Variants in DMD observed in about 807,000 individuals in gnomAD.
DMD encodes the protein mutant dystrophin.
DMD carries 63 observed loss-of-function variants against 330.1 expected under a neutral mutation model. That is an observed-to-expected ratio of 0.19 (90% CI 0.16 to 0.24). The LOEUF (loss-of-function observed/expected upper bound fraction) is 0.24, where lower values mean the gene tolerates loss of function less well. DMD is among the 10% of genes least tolerant of loss of function. The pLI is 1.00. For synonymous variants in DMD, 1,223 were observed against 959.8 expected (o/e 1.27, Z -5.07); for missense variants, 3,344 against 2,684.1 (o/e 1.25, Z -5.43).
At chrX:31,951,144 T>C (rs1165153346) in intron 45 of DMD, among the ~76,000 whole-genome samples, 21 of 59,636 alleles carry the variant, frequency 3.5e-4, no homozygotes, top group African/African-American at 6.5e-4. Context: ...TATATATGTG[T>C]ATATATATAT....
At chrX:31,749,231 A>ATT (rs2088177304) in intron 51 of DMD, among the ~76,000 whole-genome samples, 1 of 106,637 alleles carries the variant, frequency 9.4e-6, no homozygotes, top group Admixed American at 1.0e-4. Context: ...CCATGCTGGC[A>ATT]CGCTGCACCC....
chrX:32,466,163 C>G (rs1569563879), intron 23 of DMD, among the ~76,000 whole-genome samples: 1 of 111,372 alleles, frequency 9.0e-6, no homozygotes. Flanking sequence ...AGGACATTCA[C>G]TGTCTACTCT....
chrX:32,888,151 A>AT (rs1295243529), intron 2 of DMD, among the ~76,000 whole-genome samples: 1 of 109,482 alleles, frequency 9.1e-6, no homozygotes, highest in Non-Finnish European at 1.9e-5. Context: ...TTTATTTTTT[A>AT]TTTTTTTTAA....
chrX:33,062,723 C>T (rs755977427), intron 1 of DMD, among the ~76,000 whole-genome samples: 24 of 111,752 alleles, frequency 2.1e-4, no homozygotes, highest in African/African-American at 7.1e-4. Context: ...GTGATCCACC[C>T]GCCTCGGCCT....
chrX:32,311,766 A>C (rs1189171295), intron 41 of DMD, among the ~76,000 whole-genome samples: 1 of 111,947 alleles, frequency 8.9e-6, no homozygotes, highest in African/African-American at 3.2e-5. Context: ...ATTTCATCAT[A>C]AGCATTTTAC....
intron 42 of DMD, among the ~76,000 whole-genome samples, chrX:32,289,095 T>C (rs2097455698): frequency 8.9e-6 from 1 of 111,878 alleles, no homozygotes; most frequent in African/African-American, 3.2e-5. Flanking sequence ...TGTTTTACTG[T>C]TGTGGAATAT....
chrX:31,486,245 G>A (rs1219432377), intron 57 of DMD, among the ~76,000 whole-genome samples: 2 of 112,586 alleles, frequency 1.8e-5, no homozygotes, highest in Non-Finnish European at 1.9e-5. Flanking sequence ...TAAATGCTCA[G>A]TAAACATTGT....
intron 2 of DMD, among the ~76,000 whole-genome samples, chrX:32,974,501 T>C (rs952999720): frequency 7.1e-5 from 8 of 111,959 alleles, no homozygotes; most frequent in African/African-American, 2.6e-4. Flanking sequence ...ATCCCATTTC[T>C]AAATAAACGT....
chrX:31,260,880 C>G, intron 63 of DMD, 75 bp downstream of exon 63: 2 of 1,007,455 alleles, frequency 2.0e-6, no homozygotes, highest in Non-Finnish European at 2.8e-6. Context: ...TAGCAAGTAA[C>G]TTTCACACTG....
At chrX:32,463,228 G>A (rs1179896451) in intron 25 of DMD, among the ~76,000 whole-genome samples, 1 of 111,356 alleles carries the variant, frequency 9.0e-6, no homozygotes, top group Non-Finnish European at 1.9e-5. Context: ...GTCATTTTAG[G>A]ATCAAAATAA....
intron 62 of DMD, among the ~76,000 whole-genome samples, chrX:31,301,761 TTTTG>T (rs952040669): frequency 5.4e-5 from 6 of 112,127 alleles, no homozygotes; most frequent in African/African-American, 1.9e-4. Context: ...GTTTGTTTTT[TTTTG>T]TTTGTTTGTT....
intron 42 of DMD, among the ~76,000 whole-genome samples, chrX:32,295,819 T>TAA (rs1402486037): frequency 8.0e-5 from 9 of 112,061 alleles, no homozygotes; most frequent in African/African-American, 2.9e-4. Context: ...CCATTTAATG[T>TAA]AAAGTGACAA....
chrX:32,343,226 T>C lies in DMD; in HGVS notation c.5647A>G (p.Lys1883Glu). ...LEISHQWYQY[K>E]RQADDLLKCL... is the part of the protein sequence containing the mutation. ...TTCAGGAGATCATCAGCCTGCCTCT[T>C]GTACTGATACCACTGATGAGAAATT... The change falls in exon 40 of 79, where the codon AAG (lysine) becomes GAG (glutamate). Residue 1883 changes from lysine (K) to glutamate (E), a missense_variant. Lys to Glu is a moderately conservative substitution (Grantham distance 56, BLOSUM62 1). Coordinates refer to ENST00000357033, the MANE Select transcript of DMD (RefSeq NM_004006.3). 8.3e-7 allele frequency: 1 copy of C among 1,209,396 alleles called. No homozygotes were observed. Among genetic ancestry groups the C allele is most frequent in the Non-Finnish European group, 1.1e-6 (1 of 893,403 alleles).
chrX:31,464,196 A>G (rs190566925), intron 59 of DMD, among the ~76,000 whole-genome samples: 37 of 111,792 alleles, frequency 3.3e-4, no homozygotes, highest in Non-Finnish European at 1.1e-4. Flanking sequence ...GTAGAATCAG[A>G]TGAACTCATT....
chrX:32,056,442 A>G (rs7061365), intron 44 of DMD, among the ~76,000 whole-genome samples: 1,533 of 109,493 alleles, frequency 0.014, 25 homozygotes, highest in African/African-American at 0.045. Flanking sequence ...CAGAAATGAA[A>G]GAGGAGACAT....
At chrX:32,899,167 G>A (rs1053905774) in intron 2 of DMD, among the ~76,000 whole-genome samples, 2 of 112,130 alleles carry the variant, frequency 1.8e-5, no homozygotes, top group Non-Finnish European at 3.8e-5. Flanking sequence ...TTTAGACTGG[G>A]CACAGGCGTG....
intron 13 of DMD, among the ~76,000 whole-genome samples, chrX:32,579,846 G>A (rs1003561199): frequency 2.7e-5 from 3 of 112,855 alleles, no homozygotes; most frequent in African/African-American, 9.6e-5. Flanking sequence ...TGTGCTGAAA[G>A]TGTAGTGAGA....
rs767822759 is a variant in DMD, at chrX:32,132,526, T to A, written c.6438+84390A>T. Among the ~76,000 whole-genome samples the A allele has an allele frequency of 5.4e-5, 6 of 111,710 alleles. No homozygotes were observed. In the East Asian group the frequency reaches 1.7e-3, roughly 31 times the overall value. On this transcript the variant is annotated intron_variant, in intron 44 of 78. Coordinates refer to ENST00000357033, the MANE Select transcript of DMD (RefSeq NM_004006.3). ...TGGTTGGAATTTAGGTTCCCTGAAT[T>A]CCACTTAGGGTTCTTTTCGAGATAC...
At chrX:31,270,579 G>C (rs1001910181) in intron 62 of DMD, among the ~76,000 whole-genome samples, 1 of 112,162 alleles carries the variant, frequency 8.9e-6, no homozygotes, top group Non-Finnish European at 1.9e-5. Flanking sequence ...GAGCTTCAAC[G>C]GTCTGCTTGA....
Sources: allele counts gnomAD v4.1 joint callset (sites outside exome capture counted in the v4.1 genomes callset), GRCh38; gene constraint gnomAD v4.1.1; transcripts MANE v1.5; gene names NCBI Gene and HGNC (gene_info 2026-07-23, HGNC 2026-07-21).